The following DLEU7 variants were observed in gnomAD, a reference collection of about 807,000 sequenced individuals.
The protein encoded by DLEU7 is leukemia-associated protein 7.
Under a neutral mutation model 16.0 loss-of-function variants are expected in DLEU7, and 17 were observed. The ratio of observed to expected loss-of-function variants is 1.06; its 90% confidence interval spans 0.73 to 1.59. The LOEUF (loss-of-function observed/expected upper bound fraction) is 1.59, where lower values mean the gene tolerates loss of function less well. DLEU7 is among the 40% of genes most tolerant of loss of function. The probability of loss-of-function intolerance (pLI) is 0.00; values close to 1 mark genes in which losing one functional copy is unlikely to be tolerated. For synonymous variants in DLEU7, 113 were observed against 139.8 expected (o/e 0.81, Z 1.35); for missense variants, 308 against 314.9 (o/e 0.98, Z 0.17).
chr13:50,837,262 A>G (rs995523285), intron 1 of DLEU7, among the ~76,000 whole-genome samples: 11 of 152,194 alleles, frequency 7.2e-5, no homozygotes, highest in African/African-American at 2.7e-4. Flanking sequence ...TGTGATGGGT[A>G]TAAGCACTTG....
chr13:50,833,478 T>C (rs995028072), intron 1 of DLEU7, among the ~76,000 whole-genome samples: 1 of 152,100 alleles, frequency 6.6e-6, no homozygotes, highest in Non-Finnish European at 1.5e-5. Context: ...GAATACAAAT[T>C]ACAAGGGATG....
chr13:50,810,163 A>G (rs1212445865), intron 1 of DLEU7, among the ~76,000 whole-genome samples: 1 of 146,322 alleles, frequency 6.8e-6, no homozygotes, highest in African/African-American at 2.6e-5. Context: ...CATTCTCTAT[A>G]CTTTCCGGAA....
intron 1 of DLEU7, among the ~76,000 whole-genome samples, chr13:50,781,632 T>A (rs1327882080): frequency 2.0e-5 from 3 of 152,220 alleles, no homozygotes; most frequent in Admixed American, 6.5e-5. Flanking sequence ...GCCCTTTTTA[T>A]GGCTCCTTAT....
chr13:50,806,547 C>T (rs1173869290), intron 1 of DLEU7, among the ~76,000 whole-genome samples: 1 of 151,946 alleles, frequency 6.6e-6, no homozygotes, highest in Non-Finnish European at 1.5e-5. Flanking sequence ...GCCCTAAATT[C>T]TGACTCATAT....
rs1455964454 is a variant in DLEU7, at chr13:50,726,498, G to C, written c.460-13258C>G. Among the ~76,000 whole-genome samples the C allele has an allele frequency of 6.6e-6, 1 of 151,988 alleles. No homozygotes were observed. On this transcript the variant is annotated intron_variant, in intron 1 of 1. Coordinates refer to the DLEU7 transcript ENST00000400393. The surrounding 1 kb of genome is among the most constrained non-coding windows in gnomAD (Gnocchi z 4.0). ...TAAATTTCCCTCGAAAATACACAAGGGTTTAAATTAAGGGTAAACGTTGCA... is the reference window on the plus strand; with the variant it reads ...TAAATTTCCCTCGAAAATACACAAGCGTTTAAATTAAGGGTAAACGTTGCA...
chr13:50,791,028 C>T (rs981467088), intron 1 of DLEU7, among the ~76,000 whole-genome samples: 2 of 152,088 alleles, frequency 1.3e-5, no homozygotes, highest in Non-Finnish European at 2.9e-5. Flanking sequence ...TGTAAGAAGA[C>T]CGAGTGGGCG....
intron 1 of DLEU7, among the ~76,000 whole-genome samples, chr13:50,744,766 A>G: frequency 6.6e-6 from 1 of 152,240 alleles, no homozygotes; most frequent in East Asian, 1.9e-4. Flanking sequence ...AAAGTACTTG[A>G]ATAGACATTT....
At chr13:50,780,811 G>T (rs1376343826) in intron 1 of DLEU7, among the ~76,000 whole-genome samples, 5 of 152,126 alleles carry the variant, frequency 3.3e-5, no homozygotes, top group Middle Eastern at 3.2e-3. Context: ...AATGCAGAAG[G>T]GGCAATCAGA....
At chr13:50,789,547 A>T (rs1427021650) in intron 1 of DLEU7, among the ~76,000 whole-genome samples, 2 of 151,758 alleles carry the variant, frequency 1.3e-5, no homozygotes, top group African/African-American at 4.8e-5. Flanking sequence ...TATTTAGTGC[A>T]CATTTTCAGG....
chr13:50,734,257 A>G (rs1566232896), intron 1 of DLEU7, among the ~76,000 whole-genome samples: 1 of 152,244 alleles, frequency 6.6e-6, no homozygotes, highest in Non-Finnish European at 1.5e-5. Flanking sequence ...GCAGTGAACT[A>G]AAGAAAAAAC....
At chr13:50,819,647 G>A (rs547868939), downstream of DLEU7, among the ~76,000 whole-genome samples, 1 of 152,274 alleles carries the variant, frequency 6.6e-6, no homozygotes, top group African/African-American at 2.4e-5. Context: ...GACACTAATA[G>A]GGAAGTCAAG....
intron 1 of DLEU7, among the ~76,000 whole-genome samples, chr13:50,721,744 C>G (rs1873622673): frequency 6.6e-6 from 1 of 152,144 alleles, no homozygotes; most frequent in Non-Finnish European, 1.5e-5. Context: ...CAAGCCAACC[C>G]TTGCAAGGCA....
chr13:50,763,836 C>T (rs181878479), intron 1 of DLEU7, among the ~76,000 whole-genome samples: 7 of 152,314 alleles, frequency 4.6e-5, no homozygotes, highest in Non-Finnish European at 8.8e-5. Context: ...TCCCAGTTTC[C>T]ACATCTGTAA....
chr13:50,725,364 G>A (rs1263027761), intron 1 of DLEU7, among the ~76,000 whole-genome samples: 1 of 152,198 alleles, frequency 6.6e-6, no homozygotes, highest in Non-Finnish European at 1.5e-5. Flanking sequence ...GCACCACTTT[G>A]CCAGATTGTA....
rs1877737446 is a variant in DLEU7 at position 50,843,306 on chromosome 13, T to C, written c.341A>G (p.Gln114Arg). The C allele has an allele frequency of 5.8e-6, 9 of 1,541,502 alleles. No individual in the cohort carries two copies. Among genetic ancestry groups the C allele is most frequent in the Non-Finnish European group, 7.9e-6 (9 of 1,144,612 alleles). ...PRDRGPCTLA[Q>R]MAMRSALARV... ...GGCCAGCGCGCTGCGCATCGCCATC[T>C]GGGCCAGGGTGCAGGGCCCGCGGTC... is the stretch of plus-strand genomic sequence containing the variant. The change falls in exon 1 of 2, where the codon CAG (glutamine) becomes CGG (arginine). Residue 114 changes from glutamine to arginine, a missense_variant. By Grantham distance (43) the Gln-to-Arg change is conservative (BLOSUM62 1). Transcript: ENST00000504404. The surrounding 1 kb of genome is among the most constrained non-coding windows in gnomAD (Gnocchi z 5.7).
At chr13:50,806,331 G>C (rs1444941308) in intron 1 of DLEU7, among the ~76,000 whole-genome samples, 1 of 151,908 alleles carries the variant, frequency 6.6e-6, no homozygotes, top group Non-Finnish European at 1.5e-5. Context: ...TTCATCTTTG[G>C]TTGGTTGTTT....
chr13:50,740,991 T>G (rs547456938), intron 1 of DLEU7, among the ~76,000 whole-genome samples: 1 of 152,136 alleles, frequency 6.6e-6, no homozygotes, highest in Non-Finnish European at 1.5e-5. Context: ...TGTGGGCAAC[T>G]GTGTCCCTAC....
In DLEU7 at chr13:50,767,305, A is replaced by C. The variant is rs528156647; in HGVS notation, c.460-54065T>G. On this transcript the variant is annotated intron_variant, in intron 1 of 1. Coordinates refer to the DLEU7 transcript ENST00000400393. ...CCCGACTCTACTAAAAAATACAAAAAATTAGCCGGGCGTGGTGGCGGGCGC... is the reference window on the plus strand; with the variant it reads ...CCCGACTCTACTAAAAAATACAAAACATTAGCCGGGCGTGGTGGCGGGCGC... Among the ~76,000 whole-genome samples, 25 of 152,032 alleles carry C rather than the reference A, an allele frequency of 1.6e-4. No homozygotes were observed. The East Asian group carries it at 4.9e-3, about 30-fold the overall frequency.
intron 1 of DLEU7, among the ~76,000 whole-genome samples, chr13:50,790,568 GTC>G (rs1000251833): frequency 3.3e-5 from 5 of 152,072 alleles, no homozygotes; most frequent in African/African-American, 1.2e-4. Flanking sequence ...GGAATCCTCG[GTC>G]TCTCACACAC....
Sources: gnomAD v4.1 joint callset for allele counts (sites outside exome capture counted in the v4.1 genomes callset) on GRCh38, gnomAD v4.1.1 for gene constraint, Gnocchi (gnomAD v3.1) non-coding constraint, MANE v1.5 for transcripts, NCBI Gene and HGNC (gene_info 2026-07-23, HGNC 2026-07-21) for gene names.